LRRN1: variants seen among roughly 807,000 people sequenced by gnomAD.
LRRN1 encodes leucine rich repeat neuronal 1, also known as leucine-rich repeat neuronal protein 1.
Under a neutral mutation model 45.8 loss-of-function variants are expected in LRRN1, and 14 were observed. That is an observed-to-expected ratio of 0.31 (90% CI 0.20 to 0.48). The LOEUF (loss-of-function observed/expected upper bound fraction) is 0.48. Among genes scored for constraint, LRRN1 ranks in the 20% least tolerant of loss-of-function variants. The pLI, the probability that LRRN1 is intolerant of heterozygous loss-of-function variation, is 0.99. For missense variants in LRRN1, 789 were observed against 874.2 expected (o/e 0.90, Z 1.23); for synonymous variants, 359 against 330.1 (o/e 1.09, Z -0.95).
intron 1 of LRRN1, among the ~76,000 whole-genome samples, chr3:3,815,793 G>A (rs1394938997): frequency 6.6e-6 from 1 of 151,982 alleles, no homozygotes; most frequent in Non-Finnish European, 1.5e-5. Context: ...TATAGTTTAT[G>A]TCCCCTTAAA....
At chr3:3,826,655 C>T (rs1016042667) in intron 1 of LRRN1, among the ~76,000 whole-genome samples, 1 of 152,104 alleles carries the variant, frequency 6.6e-6, no homozygotes, top group African/African-American at 2.4e-5. Flanking sequence ...GACCCTCCAT[C>T]TGTGATCACT....
intron 1 of LRRN1, among the ~76,000 whole-genome samples, chr3:3,804,904 T>C (rs1473549942): frequency 1.3e-5 from 2 of 152,234 alleles, no homozygotes; most frequent in Non-Finnish European, 2.9e-5. Flanking sequence ...GCCATTGTAT[T>C]CCGGAGCCAC....
intron 1 of LRRN1, among the ~76,000 whole-genome samples, chr3:3,834,796 A>G (rs1288384711): frequency 6.6e-6 from 1 of 151,334 alleles, no homozygotes; most frequent in Non-Finnish European, 1.5e-5. Context: ...GGCTAGGCCC[A>G]TCTCTTCTTT....
intron 1 of LRRN1, among the ~76,000 whole-genome samples, chr3:3,805,697 T>C (rs1413700342): frequency 6.6e-6 from 1 of 152,200 alleles, no homozygotes; most frequent in Non-Finnish European, 1.5e-5. Context: ...CTAAGAGATT[T>C]TGTTGTTCTT....
chr3:3,804,460 T>G (rs1484729597), intron 1 of LRRN1, among the ~76,000 whole-genome samples: 1 of 152,144 alleles, frequency 6.6e-6, no homozygotes, highest in Non-Finnish European at 1.5e-5. Flanking sequence ...AATAATACAT[T>G]CCCAAGGTCC....
intron 1 of LRRN1, among the ~76,000 whole-genome samples, chr3:3,839,976 T>C (rs546145809): frequency 6.6e-6 from 1 of 152,294 alleles, no homozygotes; most frequent in South Asian, 2.1e-4. Context: ...TTTATTTTTC[T>C]TGTCTAATTG....
At chr3:3,832,752 G>A (rs923918979) in intron 1 of LRRN1, among the ~76,000 whole-genome samples, 7 of 152,132 alleles carry the variant, frequency 4.6e-5, no homozygotes, top group South Asian at 4.1e-4. Context: ...GAAATTGAGC[G>A]GTCATGATTC....
chr3:3,840,971 T>C (rs1693639750), intron 1 of LRRN1, among the ~76,000 whole-genome samples: 1 of 152,198 alleles, frequency 6.6e-6, no homozygotes, highest in South Asian at 2.1e-4. Context: ...ATATTTTACT[T>C]CTTGGTACAT....
rs1453006069 is a variant in LRRN1 at position 3,847,981 on chromosome 3, G to A, written c.*1189G>A. Among the ~76,000 whole-genome samples, 7 of 151,966 alleles carry A rather than the reference G, an allele frequency of 4.6e-5. No individual in the cohort carries two copies. Among genetic ancestry groups the A allele is most frequent in the South Asian group, 2.1e-4 (1 of 4,826 alleles). ...CATCCCAACCTGTCACACACAATGCGTGTGTATATATATATGAATATATTG... is the reference window on the plus strand; with the variant it reads ...CATCCCAACCTGTCACACACAATGCATGTGTATATATATATGAATATATTG... On this transcript the variant is annotated 3_prime_UTR_variant, in exon 2 of 2. Transcript: ENST00000319331.
intron 1 of LRRN1, among the ~76,000 whole-genome samples, chr3:3,843,310 A>G (rs554977692): frequency 3.3e-5 from 5 of 152,310 alleles, no homozygotes; most frequent in Non-Finnish European, 7.3e-5. Context: ...AAATACATCT[A>G]TTGTGTATGT....
chr3:3,849,394 G>A lies in LRRN1; in HGVS notation c.*2602G>A, dbSNP rs527616122. The stretch of plus-strand genomic sequence containing the variant: ...TACTTTTCCCTGTCTGTGCTAATGA[G>A]CTGATTTTCAGCTGATAGAAAACAA... On this transcript the variant is annotated 3_prime_UTR_variant, in exon 2 of 2. Coordinates refer to ENST00000319331, the MANE Select transcript of LRRN1 (RefSeq NM_020873.7). Among the ~76,000 whole-genome samples, 1 of 152,252 alleles carries A rather than the reference G, an allele frequency of 6.6e-6. No individual in the cohort carries two copies. Among genetic ancestry groups the A allele is most frequent in the East Asian group, 1.9e-4 (1 of 5,180 alleles).
intron 1 of LRRN1, among the ~76,000 whole-genome samples, chr3:3,824,046 C>T (rs554671409): frequency 6.6e-6 from 1 of 152,232 alleles, no homozygotes; most frequent in African/African-American, 2.4e-5. Context: ...GCCCCTGTAC[C>T]GTGCTGCTTC....
At chr3:3,843,169 A>G (rs1693683048) in intron 1 of LRRN1, among the ~76,000 whole-genome samples, 2 of 152,240 alleles carry the variant, frequency 1.3e-5, no homozygotes, top group Non-Finnish European at 2.9e-5. Context: ...CTGTCCTTGT[A>G]TGAGCAACCC....
In LRRN1 at chr3:3,845,350, G is replaced by C; in HGVS notation, c.709G>C (p.Gly237Arg). The C allele has an allele frequency of 6.2e-7, 1 of 1,614,080 alleles. No individual in the cohort carries two copies. Among genetic ancestry groups the C allele is most frequent in the South Asian group, 1.1e-5 (1 of 91,080 alleles). Reference protein sequence around the residue: ...LTDIPGNALVGLDSLESLSFY... With the variant: ...LTDIPGNALVRLDSLESLSFY... The stretch of plus-strand genomic sequence containing the variant: ...TGATATTCCTGGAAATGCTTTGGTG[G>C]GTCTGGATAGCCTTGAGAGCCTGTC... The change falls in exon 2 of 2, where the codon GGT (glycine) becomes CGT (arginine). Residue 237 changes from glycine (G) to arginine (R), a missense_variant. Coordinates refer to ENST00000319331, the MANE Select transcript of LRRN1 (RefSeq NM_020873.7). This position sits in a 1 kb window ranked among gnomAD's most constrained non-coding sequence, Gnocchi z 6.5.
At chr3:3,817,452 C>G (rs1658771062) in intron 1 of LRRN1, among the ~76,000 whole-genome samples, 1 of 152,214 alleles carries the variant, frequency 6.6e-6, no homozygotes, top group African/African-American at 2.4e-5. Flanking sequence ...CCAAACACTG[C>G]TGTCTTTAAC....
intron 1 of LRRN1, among the ~76,000 whole-genome samples, chr3:3,820,945 A>G (rs1693090185): frequency 6.6e-6 from 1 of 152,202 alleles, no homozygotes; most frequent in Non-Finnish European, 1.5e-5. Context: ...GCCCCAGCTG[A>G]CATGCCTGCT....
chr3:3,820,232 T>C (rs1262482564), intron 1 of LRRN1, among the ~76,000 whole-genome samples: 2 of 152,196 alleles, frequency 1.3e-5, no homozygotes, highest in Non-Finnish European at 2.9e-5. Context: ...ATATTTTTAA[T>C]AGGAAGTAAC....
At chr3:3,833,827 A>C (rs1473658016) in intron 1 of LRRN1, among the ~76,000 whole-genome samples, 1 of 152,178 alleles carries the variant, frequency 6.6e-6, no homozygotes, top group Non-Finnish European at 1.5e-5. Flanking sequence ...TTCTTCTGGC[A>C]AAAAAGGTGC....
chr3:3,844,051 G>A (rs1289024538), intron 1 of LRRN1, among the ~76,000 whole-genome samples: 2 of 152,230 alleles, frequency 1.3e-5, no homozygotes, highest in East Asian at 1.9e-4. Context: ...GCATTTGTGT[G>A]TGTGTGTGTG....
Sources: allele counts gnomAD v4.1 joint callset (sites outside exome capture counted in the v4.1 genomes callset), GRCh38; gene constraint gnomAD v4.1.1; non-coding constraint Gnocchi (gnomAD v3.1); transcripts MANE v1.5; gene names NCBI Gene and HGNC (gene_info 2026-07-23, HGNC 2026-07-21).